Variants in VEGFC observed in about 807,000 individuals in gnomAD.
VEGFC encodes vascular endothelial growth factor C, also known as FLT4 ligand DHM.
A neutral mutation model predicts 46.1 loss-of-function variants in VEGFC; 12 were observed. That is an observed-to-expected ratio of 0.26 (90% CI 0.17 to 0.42). The LOEUF (loss-of-function observed/expected upper bound fraction) is 0.42, where lower values mean the gene tolerates loss of function less well. VEGFC is among the 10% of genes least tolerant of loss of function. The probability of loss-of-function intolerance (pLI) is 1.00; values close to 1 mark genes in which losing one functional copy is unlikely to be tolerated. For missense variants in VEGFC, 488 were observed against 529.4 expected (o/e 0.92, Z 0.77); for synonymous variants, 232 against 195.5 (o/e 1.19, Z -1.56).
intron 4 of VEGFC, among the ~76,000 whole-genome samples, chr4:176,696,829 G>A (rs191791324): frequency 5.9e-5 from 9 of 152,120 alleles, no homozygotes; most frequent in Admixed American, 1.3e-4. Context: ...AAATAACGCC[G>A]CATATCTACA....
intron 1 of VEGFC, among the ~76,000 whole-genome samples, chr4:176,742,322 C>A (rs1441583268): frequency 3.3e-5 from 5 of 152,002 alleles, no homozygotes; most frequent in Admixed American, 3.3e-4. Flanking sequence ...TTTTCTGTAT[C>A]CAGTCCCCCG....
intron 1 of VEGFC, among the ~76,000 whole-genome samples, chr4:176,730,305 T>A (rs1382199143): frequency 6.6e-6 from 1 of 152,096 alleles, no homozygotes; most frequent in African/African-American, 2.4e-5. Context: ...AAAAGAAAAT[T>A]TTATCATCAA....
At chr4:176,698,093 C>T (rs149011635) in intron 4 of VEGFC, among the ~76,000 whole-genome samples, 9,870 of 151,394 alleles carry the variant, frequency 0.065, 395 homozygotes, top group Non-Finnish European at 0.092. Context: ...ATGTAACTAA[C>T]CTGCACAATG....
At chr4:176,714,302 C>T (rs186082804) in intron 3 of VEGFC, among the ~76,000 whole-genome samples, 1 of 152,242 alleles carries the variant, frequency 6.6e-6, no homozygotes, top group African/African-American at 2.4e-5. Context: ...AGACCTCTCC[C>T]TTCCCTCTCT....
chr4:176,751,741 A>C (rs138752412), intron 1 of VEGFC, among the ~76,000 whole-genome samples: 3,675 of 152,112 alleles, frequency 0.024, 61 homozygotes, highest in Middle Eastern at 0.11. Flanking sequence ...GTAAAAAAAA[A>C]GCATAAAAAT....
intron 1 of VEGFC, among the ~76,000 whole-genome samples, chr4:176,761,004 C>T (rs1735520904): frequency 6.6e-6 from 1 of 152,078 alleles, no homozygotes. Context: ...GTTCAAAGAT[C>T]CCATGAATTT....
chr4:176,723,663 T>C (rs1734826981), intron 3 of VEGFC, among the ~76,000 whole-genome samples: 1 of 149,606 alleles, frequency 6.7e-6, no homozygotes, highest in Non-Finnish European at 1.5e-5. Context: ...ACTTTTATTT[T>C]AGGTTTCGCG....
chr4:176,728,735 TA>T (rs1435898947), intron 2 of VEGFC, among the ~76,000 whole-genome samples: 3 of 152,232 alleles, frequency 2.0e-5, no homozygotes, highest in African/African-American at 4.8e-5. Flanking sequence ...GAAAAGGACA[TA>T]AACTATTGGT....
At chr4:176,716,821 C>T (rs1301697412) in intron 3 of VEGFC, among the ~76,000 whole-genome samples, 1 of 152,114 alleles carries the variant, frequency 6.6e-6, no homozygotes. Context: ...TCTATCCAAA[C>T]ATATCAATGT....
intron 1 of VEGFC, among the ~76,000 whole-genome samples, chr4:176,744,688 G>T (rs1047770242): frequency 2.0e-5 from 3 of 151,944 alleles, no homozygotes; most frequent in African/African-American, 7.2e-5. Context: ...GTTGACCAGG[G>T]TCTGTGCTAG....
chr4:176,737,324 A>G (rs62328301), intron 1 of VEGFC, among the ~76,000 whole-genome samples: 1,625 of 146,272 alleles, frequency 0.011, 15 homozygotes, highest in Non-Finnish European at 0.017. Flanking sequence ...TATAGAATAT[A>G]TTTATAATAT....
At chr4:176,720,673 C>T (rs1335310244) in intron 3 of VEGFC, among the ~76,000 whole-genome samples, 3 of 151,618 alleles carry the variant, frequency 2.0e-5, no homozygotes, top group Non-Finnish European at 4.4e-5. Flanking sequence ...AACCCCATCT[C>T]TACTACAAAT....
intron 1 of VEGFC, among the ~76,000 whole-genome samples, chr4:176,765,642 G>A (rs1182566821): frequency 7.0e-6 from 1 of 141,896 alleles, no homozygotes; most frequent in Admixed American, 7.7e-5. Flanking sequence ...TGTAACCTCC[G>A]CCTCCTGGGT....
intron 1 of VEGFC, among the ~76,000 whole-genome samples, chr4:176,777,818 C>T (rs949218256): frequency 7.2e-6 from 1 of 138,646 alleles, no homozygotes; most frequent in Admixed American, 7.9e-5. Context: ...ACTCGGGAGG[C>T]TGGGGCAGGA....
chr4:176,691,702 C>G (rs1734182405), intron 4 of VEGFC, among the ~76,000 whole-genome samples: 1 of 152,174 alleles, frequency 6.6e-6, no homozygotes, highest in Non-Finnish European at 1.5e-5. Flanking sequence ...ATTTATCTCT[C>G]CTTTGAAATA....
rs755693482 is a variant in VEGFC, at chr4:176,687,337, C to A, written c.995G>T (p.Arg332Leu). The A allele has an allele frequency of 1.2e-6, 2 of 1,614,122 alleles. No individual in the cohort carries two copies. The highest frequency in any genetic ancestry group is 1.7e-6 in the Non-Finnish European group (2 of 1,180,026). Residue 332 changes from arginine (R) to leucine (L), a missense_variant, in exon 6 of 7, where the codon CGA becomes CTA. Coordinates refer to ENST00000618562, the MANE Select transcript of VEGFC (RefSeq NM_005429.5). ...CTGGCATGTGTTTTCATCAAATTCT[C>A]GGTTGGCCCCACATTGGCTGGGGAA... is the stretch of plus-strand genomic sequence containing the variant. ...KLFPSQCGAN[R>L]EFDENTCQCV...
intron 1 of VEGFC, among the ~76,000 whole-genome samples, chr4:176,777,431 A>G (rs538122824): frequency 6.6e-6 from 1 of 152,354 alleles, no homozygotes; most frequent in East Asian, 1.9e-4. Context: ...CAAATGAGTC[A>G]CTATTGTCTA....
At chr4:176,789,660 C>T (rs996218118) in intron 1 of VEGFC, among the ~76,000 whole-genome samples, 19 of 152,196 alleles carry the variant, frequency 1.2e-4, no homozygotes. Flanking sequence ...TTTGTGTTAA[C>T]ATCCTTCAGA....
At chr4:176,708,111 C>T (rs1448462115) in intron 4 of VEGFC, among the ~76,000 whole-genome samples, 1 of 151,418 alleles carries the variant, frequency 6.6e-6, no homozygotes, top group Non-Finnish European at 1.5e-5. Context: ...TTAAGCTCTC[C>T]AAATATTTTT....
Sources: allele counts gnomAD v4.1 joint callset (sites outside exome capture counted in the v4.1 genomes callset), GRCh38; gene constraint gnomAD v4.1.1; transcripts MANE v1.5; gene names NCBI Gene and HGNC (gene_info 2026-07-23, HGNC 2026-07-21).